The following GALNTL6 variants were observed in gnomAD, a reference collection of about 807,000 sequenced individuals.
The protein encoded by GALNTL6 is polypeptide N-acetylgalactosaminyltransferase-like 6.
Under a neutral mutation model 73.7 loss-of-function variants are expected in GALNTL6, and 46 were observed. The ratio of observed to expected loss-of-function variants is 0.62; its 90% confidence interval spans 0.49 to 0.80. The LOEUF is 0.80. Ranked by LOEUF, GALNTL6 falls within the 30% of genes least tolerant of loss-of-function variation. The pLI is 0.00. For missense variants in GALNTL6, 604 were observed against 755.0 expected (o/e 0.80, Z 2.34); for synonymous variants, 259 against 263.7 (o/e 0.98, Z 0.17).
chr4:172,533,292 C>T (rs146098937), intron 5 of GALNTL6, among the ~76,000 whole-genome samples: 3,480 of 137,598 alleles, frequency 0.025, 144 homozygotes, highest in African/African-American at 0.089. Context: ...AGATTACAGG[C>T]GTGAGCCGCC....
intron 5 of GALNTL6, among the ~76,000 whole-genome samples, chr4:172,723,868 A>G (rs1465387440): frequency 6.6e-6 from 1 of 152,160 alleles, no homozygotes; most frequent in Non-Finnish European, 1.5e-5. Flanking sequence ...CCAGAAAAAG[A>G]AATATATTTT....
chr4:172,643,039 A>G (rs1212552586), intron 5 of GALNTL6, among the ~76,000 whole-genome samples: 1 of 151,846 alleles, frequency 6.6e-6, no homozygotes, highest in Non-Finnish European at 1.5e-5. Flanking sequence ...AAAAATAGAT[A>G]TATAGAAACT....
intron 3 of GALNTL6, among the ~76,000 whole-genome samples, chr4:172,265,417 T>C (rs536146668): frequency 2.6e-5 from 4 of 152,162 alleles, no homozygotes; most frequent in Admixed American, 2.6e-4. Flanking sequence ...AGGTAAAAAA[T>C]GAAAGACTAG....
intron 5 of GALNTL6, among the ~76,000 whole-genome samples, chr4:172,370,630 C>CAAAAA (rs71592072): frequency 0.1 from 6,015 of 59,650 alleles, 304 homozygotes; most frequent in East Asian, 0.14. Context: ...GACTCCATCT[C>CAAAAA]AAAAAAAAAA....
chr4:172,730,601 T>C (rs1736087202), intron 5 of GALNTL6, among the ~76,000 whole-genome samples: 1 of 152,220 alleles, frequency 6.6e-6, no homozygotes, highest in African/African-American at 2.4e-5. Context: ...GAACGATCTT[T>C]TTAGTGTTGT....
chr4:171,893,483 A>G (rs1736818601), intron 2 of GALNTL6, among the ~76,000 whole-genome samples: 1 of 152,194 alleles, frequency 6.6e-6, no homozygotes, highest in African/African-American at 2.4e-5. Context: ...ATTGTGTTTC[A>G]GGAATAGAGA....
chr4:172,342,919 G>C (rs904876409), intron 4 of GALNTL6, among the ~76,000 whole-genome samples: 6 of 152,134 alleles, frequency 3.9e-5, no homozygotes, highest in Non-Finnish European at 1.5e-5. Flanking sequence ...TTACTAGCTT[G>C]ATACCCATCA....
At chr4:172,741,663 G>C (rs6824217) in intron 5 of GALNTL6, among the ~76,000 whole-genome samples, 21,997 of 151,544 alleles carry the variant, frequency 0.15, 1,864 homozygotes, top group East Asian at 0.25. Context: ...TTATATAGAA[G>C]AATATATATA....
chr4:172,558,821 G>A (rs553014233), intron 5 of GALNTL6, among the ~76,000 whole-genome samples: 13 of 152,076 alleles, frequency 8.5e-5, no homozygotes, highest in South Asian at 6.2e-4. Context: ...GTCGGTTGCC[G>A]AAAATATAAG....
intron 8 of GALNTL6, among the ~76,000 whole-genome samples, chr4:172,927,842 T>G (rs1453777479): frequency 1.3e-5 from 2 of 152,116 alleles, no homozygotes; most frequent in Non-Finnish European, 2.9e-5. Flanking sequence ...CTTCAACCAC[T>G]TCTGTTGTAC....
At chr4:172,708,671 T>G (rs549929866) in intron 5 of GALNTL6, among the ~76,000 whole-genome samples, 16 of 152,334 alleles carry the variant, frequency 1.1e-4, no homozygotes, top group South Asian at 1.0e-3. Flanking sequence ...TGAGCCCTAG[T>G]GATTTTAACC....
intron 2 of GALNTL6, among the ~76,000 whole-genome samples, chr4:172,055,298 T>C (rs1381809197): frequency 1.3e-5 from 2 of 152,000 alleles, no homozygotes; most frequent in Non-Finnish European, 2.9e-5. Context: ...TAAGGTAGAG[T>C]GGGCATTTGG....
intron 2 of GALNTL6, among the ~76,000 whole-genome samples, chr4:171,827,646 A>G (rs896894949): frequency 1.3e-5 from 2 of 152,194 alleles, no homozygotes; most frequent in Non-Finnish European, 2.9e-5. Flanking sequence ...GTCTGAAATT[A>G]AATTCCTTTC....
At chr4:172,075,865 C>T (rs114929897) in intron 2 of GALNTL6, among the ~76,000 whole-genome samples, 2,740 of 152,150 alleles carry the variant, frequency 0.018, 71 homozygotes, top group African/African-American at 0.06. Flanking sequence ...TTAATTATCC[C>T]TAAAATATTT....
At chr4:172,236,927 C>A (rs1486236180) in intron 3 of GALNTL6, among the ~76,000 whole-genome samples, 1 of 152,126 alleles carries the variant, frequency 6.6e-6, no homozygotes, top group Non-Finnish European at 1.5e-5. Context: ...TCTATGTGTA[C>A]TCAACGTTTA....
intron 2 of GALNTL6, among the ~76,000 whole-genome samples, chr4:171,987,049 C>T (rs1368492706): frequency 2.0e-5 from 3 of 150,070 alleles, no homozygotes; most frequent in Admixed American, 6.6e-5. Context: ...TTTGGGGGCA[C>T]AGTCTAAGTT....
At position 172,191,939 on chromosome 4, in the gene GALNTL6, A is replaced by C. The variant is rs1362125490; in HGVS notation, c.139-37717A>C. The stretch of plus-strand genomic sequence containing the variant: ...AAATACCTAGCACATACAGGTATGC[A>C]TGAAATATTTACATGCATAATAAAT... On this transcript the variant is annotated intron_variant, in intron 2 of 12. Coordinates refer to ENST00000506823, the MANE Select transcript of GALNTL6 (RefSeq NM_001034845.3). 4.6e-5 allele frequency among the ~76,000 whole-genome samples: 7 copies of C among 152,282 alleles called. No homozygotes were observed. In the South Asian group the frequency reaches 1.0e-3, roughly 23 times the overall value.
intron 5 of GALNTL6, among the ~76,000 whole-genome samples, chr4:172,451,241 C>T (rs1313912564): frequency 6.6e-6 from 1 of 152,182 alleles, no homozygotes; most frequent in East Asian, 1.9e-4. Context: ...ACACAGAGCA[C>T]ATGCTTCACA....
intron 5 of GALNTL6, among the ~76,000 whole-genome samples, chr4:172,701,780 G>A (rs946650162): frequency 1.1e-4 from 17 of 151,938 alleles, no homozygotes; most frequent in Non-Finnish European, 2.1e-4. Flanking sequence ...TTAATGGTAA[G>A]GCTCTAATTA....
Sources: gnomAD v4.1 joint callset for allele counts (sites outside exome capture counted in the v4.1 genomes callset) on GRCh38, gnomAD v4.1.1 for gene constraint, MANE v1.5 for transcripts, NCBI Gene and HGNC (gene_info 2026-07-23, HGNC 2026-07-21) for gene names.